Variants in TENM3 observed in about 807,000 individuals in gnomAD.
The protein encoded by TENM3 is teneurin transmembrane protein 3.
In TENM3, 63 loss-of-function variants were observed where a neutral mutation model predicts 255.1. That is an observed-to-expected ratio of 0.25 (90% CI 0.20 to 0.30). The LOEUF is 0.30. TENM3 is among the 10% of genes least tolerant of loss of function. The pLI, the probability that TENM3 is intolerant of heterozygous loss-of-function variation, is 1.00. For synonymous variants in TENM3, 1,306 were observed against 1,322.3 expected, an observed-to-expected ratio of 0.99 and a Z score of 0.27; for missense variants, 2,929 against 3,461.1, an observed-to-expected ratio of 0.85 and a Z score of 3.86.
At chr4:182,305,151 A>G (rs1762063193) in intron 1 of TENM3, among the ~76,000 whole-genome samples, 1 of 152,046 alleles carries the variant, frequency 6.6e-6, no homozygotes, top group Non-Finnish European at 1.5e-5. Context: ...ATTTACTGAA[A>G]TCTGTGAGGT....
intron 3 of TENM3, among the ~76,000 whole-genome samples, chr4:182,483,238 C>T (rs972522006): frequency 2.0e-5 from 3 of 152,114 alleles, no homozygotes; most frequent in Non-Finnish European, 2.9e-5. Flanking sequence ...ACATTATCAA[C>T]GTGTCTCTGT....
chr4:182,281,610 C>A (rs1431974992), intron 1 of TENM3, among the ~76,000 whole-genome samples: 1 of 152,180 alleles, frequency 6.6e-6, no homozygotes, highest in Non-Finnish European at 1.5e-5. Context: ...CCACCTCAGA[C>A]TCCTGGGCAG....
At chr4:182,179,921 A>C (rs960680366) in intron 1 of TENM3, among the ~76,000 whole-genome samples, 1 of 152,138 alleles carries the variant, frequency 6.6e-6, no homozygotes, top group Non-Finnish European at 1.5e-5. Flanking sequence ...CAGACCTCAT[A>C]TTCAGATCCA....
At chr4:182,025,019 C>CTTTTTTTTTTTTTTTTTTTT in the TENM3 span, among the ~76,000 whole-genome samples, 1 of 92,192 alleles carries the variant, frequency 1.1e-5, no homozygotes, top group African/African-American at 3.9e-5. Context: ...GACAGGATTT[C>CTTTTTTTTTTTTTTTTTTTT]ATTTTTTTTT....
At chr4:181,930,380 T>TACAA in the TENM3 span, among the ~76,000 whole-genome samples, 1 of 152,124 alleles carries the variant, frequency 6.6e-6, no homozygotes, top group Non-Finnish European at 1.5e-5. Flanking sequence ...CAGAGAATAC[T>TACAA]ACAAACACCT....
At chr4:181,852,479 C>T in the TENM3 span, among the ~76,000 whole-genome samples, 49 of 152,210 alleles carry the variant, frequency 3.2e-4, no homozygotes, top group Admixed American at 9.8e-4. Flanking sequence ...TTCACTTTTC[C>T]TATTTAAAAT....
At chr4:182,547,607 C>A (rs1162721885) in intron 3 of TENM3, among the ~76,000 whole-genome samples, 1 of 152,108 alleles carries the variant, frequency 6.6e-6, no homozygotes, top group Non-Finnish European at 1.5e-5. Flanking sequence ...TTCATCCAGG[C>A]CATTTTGTGG....
intron 3 of TENM3, among the ~76,000 whole-genome samples, chr4:182,430,837 C>A (rs971531791): frequency 6.6e-6 from 1 of 151,664 alleles, no homozygotes; most frequent in Non-Finnish European, 1.5e-5. Flanking sequence ...CATGGTGAAA[C>A]CCTGTCTCTA....
At chr4:181,707,066 A>G in the TENM3 span, among the ~76,000 whole-genome samples, 4 of 152,326 alleles carry the variant, frequency 2.6e-5, no homozygotes, top group South Asian at 4.1e-4. Context: ...TATATTCTCC[A>G]GGAGATGTAC....
At chr4:181,998,863 T>A in the TENM3 span, among the ~76,000 whole-genome samples, 2 of 152,152 alleles carry the variant, frequency 1.3e-5, no homozygotes, top group African/African-American at 4.8e-5. Context: ...ACTGCCCTGG[T>A]CAAATTCCCA....
chr4:182,764,550 G>A (rs1031814171), intron 22 of TENM3, among the ~76,000 whole-genome samples: 7 of 152,208 alleles, frequency 4.6e-5, no homozygotes, highest in East Asian at 1.9e-4. Context: ...TTTAAGATCA[G>A]TGTTGCAAGT....
At chr4:181,485,954 AT>A in the TENM3 span, among the ~76,000 whole-genome samples, 3 of 152,142 alleles carry the variant, frequency 2.0e-5, no homozygotes, top group South Asian at 6.2e-4. Flanking sequence ...TGCGTGAAAA[AT>A]TTTAAGATGT....
chr4:181,652,740 C>G, the TENM3 span, among the ~76,000 whole-genome samples: 1 of 152,266 alleles, frequency 6.6e-6, no homozygotes, highest in South Asian at 2.1e-4. Context: ...GTTCCGCTAA[C>G]CTTAAATAAT....
intron 26 of TENM3, among the ~76,000 whole-genome samples, chr4:182,796,137 A>T (rs555029618): frequency 5.9e-5 from 9 of 152,326 alleles, no homozygotes; most frequent in Middle Eastern, 3.4e-3. Flanking sequence ...TTTGATTAAG[A>T]ATCAACTGTT....
intron 22 of TENM3, among the ~76,000 whole-genome samples, chr4:182,768,425 C>T (rs1451219256): frequency 6.6e-6 from 1 of 152,108 alleles, no homozygotes. Context: ...CTCAGATGAG[C>T]ATCTACTGAA....
At chr4:181,887,820 A>G in the TENM3 span, among the ~76,000 whole-genome samples, 1 of 152,196 alleles carries the variant, frequency 6.6e-6, no homozygotes, top group Non-Finnish European at 1.5e-5. Context: ...TCTTGAATTC[A>G]AATCACTCTT....
intron 3 of TENM3, among the ~76,000 whole-genome samples, chr4:182,353,353 T>G (rs1365305720): frequency 6.6e-6 from 1 of 152,202 alleles, no homozygotes; most frequent in African/African-American, 2.4e-5. Context: ...GTGGGCCCTC[T>G]TCCGGCATGT....
chr4:182,182,200 A>G (rs950877402), intron 1 of TENM3, among the ~76,000 whole-genome samples: 2 of 152,144 alleles, frequency 1.3e-5, no homozygotes, highest in African/African-American at 4.8e-5. Context: ...TTTCTGGGAT[A>G]TATCATTTCA....
chr4:181,456,614 G>C, the TENM3 span, among the ~76,000 whole-genome samples: 1 of 151,892 alleles, frequency 6.6e-6, no homozygotes, highest in African/African-American at 2.4e-5. Context: ...TGATAGTGGA[G>C]ATGGGCAATA....
Sources: allele counts gnomAD v4.1 joint callset (sites outside exome capture counted in the v4.1 genomes callset), GRCh38; gene constraint gnomAD v4.1.1; transcripts MANE v1.5; gene names NCBI Gene and HGNC (gene_info 2026-07-23, HGNC 2026-07-21).